SLC4A10: variants seen among roughly 807,000 people sequenced by gnomAD.
SLC4A10 encodes the protein solute carrier family 4 member 10, also known as sodium-driven chloride bicarbonate exchanger.
SLC4A10 carries 42 observed loss-of-function variants against 137.7 expected under a neutral mutation model. That is an observed-to-expected ratio of 0.30 (90% CI 0.24 to 0.39). SLC4A10 has a LOEUF of 0.39. Ranked by LOEUF, SLC4A10 falls within the 10% of genes least tolerant of loss-of-function variation. SLC4A10 has a pLI of 1.00. For synonymous variants in SLC4A10, 474 were observed against 464.1 expected, an observed-to-expected ratio of 1.02 and a Z score of -0.27; for missense variants, 925 against 1,355.0, an observed-to-expected ratio of 0.68 and a Z score of 4.98.
At chr2:161,922,070 A>G (rs1036238852) in intron 15 of SLC4A10, among the ~76,000 whole-genome samples, 1 of 152,184 alleles carries the variant, frequency 6.6e-6, no homozygotes, top group Non-Finnish European at 1.5e-5. Flanking sequence ...TAAATATTAC[A>G]CAAAATTACA....
intron 1 of SLC4A10, among the ~76,000 whole-genome samples, chr2:161,674,936 A>T (rs372014199): frequency 3.9e-5 from 6 of 152,360 alleles, no homozygotes; most frequent in African/African-American, 1.4e-4. Context: ...AAACACCTTT[A>T]AGCATGACAT....
intron 4 of SLC4A10, among the ~76,000 whole-genome samples, chr2:161,852,131 T>C (rs1231010954): frequency 6.6e-6 from 1 of 152,210 alleles, no homozygotes; most frequent in Non-Finnish European, 1.5e-5. Context: ...TAGAATCAAT[T>C]GTATAAACAG....
chr2:161,956,834 T>C (rs1307143037), intron 19 of SLC4A10, among the ~76,000 whole-genome samples, 155 bp from the exon 20 acceptor site: 4 of 152,158 alleles, frequency 2.6e-5, no homozygotes, highest in Admixed American at 6.5e-5. Context: ...ACGAGGGCAA[T>C]TGGAAACTGA....
At chr2:161,940,478 C>T (rs1692475471) in intron 15 of SLC4A10, among the ~76,000 whole-genome samples, 1 of 152,134 alleles carries the variant, frequency 6.6e-6, no homozygotes, top group African/African-American at 2.4e-5. Context: ...ATTGCCCATG[C>T]TCAGCTCCCT....
chr2:161,733,969 C>G (rs2047067199), intron 1 of SLC4A10, among the ~76,000 whole-genome samples: 1 of 152,130 alleles, frequency 6.6e-6, no homozygotes, highest in South Asian at 2.1e-4. Context: ...GTCAATTTCT[C>G]CCATTTGGAA....
chr2:161,769,463 G>T (rs2051297069), intron 1 of SLC4A10, among the ~76,000 whole-genome samples: 1 of 151,910 alleles, frequency 6.6e-6, no homozygotes, highest in African/African-American at 2.4e-5. Context: ...GTAAGCTAAT[G>T]AGAATCAGCA....
intron 1 of SLC4A10, among the ~76,000 whole-genome samples, chr2:161,768,067 G>T (rs528920805): frequency 6.6e-6 from 1 of 152,054 alleles, no homozygotes; most frequent in Admixed American, 6.6e-5. Flanking sequence ...CTTCTATATT[G>T]ACACCTTTCC....
intron 1 of SLC4A10, among the ~76,000 whole-genome samples, chr2:161,752,746 T>A (rs2125313328): frequency 6.6e-6 from 1 of 152,234 alleles, no homozygotes; most frequent in African/African-American, 2.4e-5. Context: ...ATCTCACCTA[T>A]ATGCGGAATC....
intron 18 of SLC4A10, among the ~76,000 whole-genome samples, chr2:161,950,234 G>A (rs1347817695): frequency 6.6e-6 from 1 of 151,940 alleles, no homozygotes; most frequent in Non-Finnish European, 1.5e-5. Context: ...ATTTATCTTT[G>A]TATCTCAGTT....
chr2:161,904,982 C>T lies in SLC4A10; in HGVS notation c.1751+73C>T, dbSNP rs976291078. ...ACTGTATTTATACTTCTCCCAACAT[C>T]ACTTTTGGAGGTCTGTTGATAGAGA... On this transcript the variant is annotated intron_variant, in intron 14 of 26. Coordinates refer to ENST00000446997, the MANE Select transcript of SLC4A10 (RefSeq NM_001178015.2). 8 of 1,473,650 alleles carry T rather than the reference C, an allele frequency of 5.4e-6. No homozygotes were observed. In the African/African-American group the frequency reaches 1.1e-4, roughly 20 times the overall value. The allele number at this position is 1,473,650 out of a possible 1,614,324, so 91.3% of individuals were successfully genotyped here.
rs751485004 is a variant in SLC4A10 at position 161,947,619 on chromosome 2, C to T, written c.2157C>T (p.His719=). Reference sequence around the variant, plus strand: ...TTGGACGGGCCTGTGGCCATGATCACCCATATGTTCCAGATGTTCTATTTT... The same window carrying T: ...TTGGACGGGCCTGTGGCCATGATCATCCATATGTTCCAGATGTTCTATTTT... ...EYVGRACGHD[H]PYVPDVLFWS... is the part of the protein sequence containing the mutation. The change falls in exon 17 of 27, where the codon CAC becomes CAT. Residue 719 remains histidine (H), a synonymous_variant. Coordinates refer to ENST00000446997, the MANE Select transcript of SLC4A10 (RefSeq NM_001178015.2). 2 of 1,613,210 alleles carry T rather than the reference C, an allele frequency of 1.2e-6. No individual in the cohort carries two copies. The highest frequency in any genetic ancestry group is 2.7e-5 in the African/African-American group (2 of 74,972).
intron 1 of SLC4A10, among the ~76,000 whole-genome samples, chr2:161,632,762 A>G (rs1299859591): frequency 1.3e-5 from 2 of 151,542 alleles, no homozygotes; most frequent in Admixed American, 1.3e-4. Context: ...ACCAGCATTT[A>G]AAAAAACCTC....
intron 1 of SLC4A10, among the ~76,000 whole-genome samples, chr2:161,640,212 C>T (rs2035074900): frequency 6.6e-6 from 1 of 152,100 alleles, no homozygotes; most frequent in Admixed American, 6.6e-5. Context: ...CATCTGTGGA[C>T]ATTGAGAACT....
At chr2:161,769,842 G>A (rs2051348877) in intron 1 of SLC4A10, among the ~76,000 whole-genome samples, 1 of 151,574 alleles carries the variant, frequency 6.6e-6, no homozygotes, top group Non-Finnish European at 1.5e-5. Flanking sequence ...GGATTCCCAT[G>A]ACTCTTGTAT....
At chr2:161,668,534 A>G (rs1264097205) in intron 1 of SLC4A10, among the ~76,000 whole-genome samples, 1 of 151,810 alleles carries the variant, frequency 6.6e-6, no homozygotes, top group East Asian at 1.9e-4. Context: ...ATCACTTTTG[A>G]TTATTTTGAA....
chr2:161,845,387 C>T (rs2059427373), intron 4 of SLC4A10, among the ~76,000 whole-genome samples: 1 of 151,982 alleles, frequency 6.6e-6, no homozygotes, highest in African/African-American at 2.4e-5. Context: ...CATGTGGGCA[C>T]CTTTTTATGG....
chr2:161,756,878 GATT>G (rs1254233690), intron 1 of SLC4A10, among the ~76,000 whole-genome samples: 1 of 152,100 alleles, frequency 6.6e-6, no homozygotes, highest in Non-Finnish European at 1.5e-5. Context: ...AGATATGAAA[GATT>G]ATAAGATTTC....
At chr2:161,723,337 C>T (rs1203608906) in intron 1 of SLC4A10, among the ~76,000 whole-genome samples, 1 of 152,234 alleles carries the variant, frequency 6.6e-6, no homozygotes, top group Non-Finnish European at 1.5e-5. Context: ...GTCACTCTAC[C>T]CTGCTTTTTC....
intron 15 of SLC4A10, among the ~76,000 whole-genome samples, chr2:161,911,001 A>G (rs1002222727): frequency 5.9e-5 from 9 of 152,100 alleles, no homozygotes; most frequent in South Asian, 2.1e-4. Flanking sequence ...ATATGTAAAT[A>G]AACATTTAAA....
Sources: allele counts gnomAD v4.1 joint callset (sites outside exome capture counted in the v4.1 genomes callset), GRCh38; gene constraint gnomAD v4.1.1; transcripts MANE v1.5; gene names NCBI Gene and HGNC (gene_info 2026-07-23, HGNC 2026-07-21).